ARMC8: variants seen among roughly 807,000 people sequenced by gnomAD.
The protein encoded by ARMC8 is armadillo repeat containing 8, also known as armadillo repeat-containing protein 8.
Under a neutral mutation model 99.3 loss-of-function variants are expected in ARMC8, and 20 were observed. The observed-to-expected ratio is 0.20, with a 90% CI of 0.14 to 0.29. The LOEUF (loss-of-function observed/expected upper bound fraction) is 0.29, where lower values mean the gene tolerates loss of function less well. Ranked by LOEUF, ARMC8 falls within the 10% of genes least tolerant of loss-of-function variation. The pLI, the probability that ARMC8 is intolerant of heterozygous loss-of-function variation, is 1.00. For synonymous variants in ARMC8, 263 were observed against 278.3 expected, an observed-to-expected ratio of 0.95 and a Z score of 0.55; for missense variants, 569 against 809.5, an observed-to-expected ratio of 0.70 and a Z score of 3.60.
In ARMC8 at chr3:138,223,364, C is replaced by T. The variant is rs200183090; in HGVS notation, c.195-25C>T. On this transcript the variant is annotated intron_variant, in intron 3 of 21. Coordinates refer to ENST00000469044, the MANE Select transcript of ARMC8 (RefSeq NM_001363941.2). ...TCTTGTTTAAATTTTTTAGTCTCTT[C>T]GTTTATTAAGTTCCTTCTTTTTAGA... is the stretch of plus-strand genomic sequence containing the variant. The T allele has an allele frequency of 6.7e-5, 107 of 1,608,950 alleles. 1 individual carries two copies. Among genetic ancestry groups the T allele is most frequent in the Admixed American group, 2.0e-4 (12 of 58,880 alleles).
rs1174680725 is a variant in ARMC8 at position 138,271,799 on chromosome 3, T to C, written c.1480-1168T>C. Among the ~76,000 whole-genome samples, 9 of 129,822 alleles carry C rather than the reference T, an allele frequency of 6.9e-5. No homozygotes were observed. In the East Asian group the frequency reaches 1.6e-3, roughly 23 times the overall value. 85.2% of individuals were successfully genotyped at this position (129,822 alleles called of 152,430 possible). On this transcript the variant is annotated intron_variant, in intron 16 of 21. Coordinates refer to ENST00000469044, the MANE Select transcript of ARMC8 (RefSeq NM_001363941.2). ...GTTCACAAGATTTTTTTTTTCTTTCTTTTTTTTTTTTTTTGATACAGAGTC... is the reference window on the plus strand; with the variant it reads ...GTTCACAAGATTTTTTTTTTCTTTCCTTTTTTTTTTTTTTGATACAGAGTC...
At chr3:138,287,830 A>T in intron 19 of ARMC8, 1 of 329,316 alleles carries the variant, frequency 3.0e-6, no homozygotes, top group South Asian at 2.6e-5. Flanking sequence ...ACTCTCTCAG[A>T]TGTGCATAAA....
At chr3:138,289,020 A>AT (rs539158545) in intron 19 of ARMC8, 28 bp from the exon 20 acceptor site, 715 of 1,562,528 alleles carry the variant, frequency 4.6e-4, no homozygotes, top group African/African-American at 5.7e-4. Context: ...CACCATTTTG[A>AT]TTTTTTTTTC....
rs368258885 is a variant in ARMC8, at chr3:138,193,992, C to T, written c.45+6393C>T. On this transcript the variant is annotated intron_variant, in intron 1 of 21. Coordinates refer to ENST00000469044, the MANE Select transcript of ARMC8 (RefSeq NM_001363941.2). ...TTGTAGGCTATTATAAACAGCTGGG[C>T]ACTTGTTGATTTTTAATTGTCTTCT... 4.0e-5 allele frequency among the ~76,000 whole-genome samples: 6 copies of T among 151,428 alleles called. No individual in the cohort carries two copies. In the East Asian group the frequency reaches 5.8e-4, roughly 15 times the overall value.
chr3:138,276,749 A>T (rs2108323026), intron 18 of ARMC8, among the ~76,000 whole-genome samples: 1 of 152,216 alleles, frequency 6.6e-6, no homozygotes, highest in South Asian at 2.1e-4. Flanking sequence ...AACACTGATA[A>T]TGAAAGAAAT....
intron 15 of ARMC8, among the ~76,000 whole-genome samples, chr3:138,269,452 C>G (rs1360710845): frequency 6.6e-6 from 1 of 152,104 alleles, no homozygotes; most frequent in Non-Finnish European, 1.5e-5. Context: ...TGTGGCATGA[C>G]TGTAAAAGTA....
At chr3:138,251,030 G>T (rs2047099797) in intron 12 of ARMC8, among the ~76,000 whole-genome samples, 1 of 151,872 alleles carries the variant, frequency 6.6e-6, no homozygotes, top group African/African-American at 2.4e-5. Context: ...ATGCACCTGT[G>T]GTCCCAGCTA....
intron 12 of ARMC8, among the ~76,000 whole-genome samples, chr3:138,248,931 T>C (rs1213304400): frequency 6.6e-6 from 1 of 152,214 alleles, no homozygotes; most frequent in Non-Finnish European, 1.5e-5. Flanking sequence ...AATGGAGCCT[T>C]GGGGAAAGTT....
intron 12 of ARMC8, among the ~76,000 whole-genome samples, chr3:138,257,848 T>G (rs1185436870): frequency 6.6e-6 from 1 of 152,094 alleles, no homozygotes; most frequent in East Asian, 1.9e-4. Context: ...AGACCTACTC[T>G]CTCTCCCTGA....
intron 18 of ARMC8, among the ~76,000 whole-genome samples, chr3:138,280,993 C>T (rs1313696158): frequency 3.9e-5 from 6 of 152,130 alleles, no homozygotes; most frequent in Admixed American, 3.9e-4. Flanking sequence ...TCAATTTTTG[C>T]AGGCTCTGGT....
Position 138,201,436 on chromosome 3 carries a change from C to CTTTTTTTTTTTT in ARMC8, c.46-8351_46-8340dup, listed in dbSNP as rs58707271. On this transcript the variant is annotated intron_variant, in intron 1 of 21. Coordinates refer to ENST00000469044, the MANE Select transcript of ARMC8 (RefSeq NM_001363941.2). ...TAGAGTCCTTGTCTTCTTCCCCTCC[C>CTTTTTTTTTTTT]TTTTTTTTTTTTTTTTTTTTTTTTT... Among the ~76,000 whole-genome samples the CTTTTTTTTTTTT allele has an allele frequency of 5.1e-4, 33 of 64,994 alleles. 11 individuals carry two copies. Among genetic ancestry groups the CTTTTTTTTTTTT allele is most frequent in the Non-Finnish European group, 8.2e-4 (24 of 29,394 alleles). The allele number at this position is 64,994 out of a possible 152,430, so 42.6% of individuals were successfully genotyped here.
At chr3:138,292,722 G>A (rs1399337649) in intron 21 of ARMC8, among the ~76,000 whole-genome samples, 1 of 152,186 alleles carries the variant, frequency 6.6e-6, no homozygotes, top group Non-Finnish European at 1.5e-5. Context: ...ATATCCAAGG[G>A]ACTTGGAAGA....
At chr3:138,193,412 C>T (rs1340471036) in intron 1 of ARMC8, among the ~76,000 whole-genome samples, 1 of 152,118 alleles carries the variant, frequency 6.6e-6, no homozygotes, top group African/African-American at 2.4e-5. Context: ...AGGCGTGTGC[C>T]ACCGCGCCCA....
At chr3:138,240,527 A>C (rs1224101107) in intron 10 of ARMC8, among the ~76,000 whole-genome samples, 1 of 152,210 alleles carries the variant, frequency 6.6e-6, no homozygotes, top group Non-Finnish European at 1.5e-5. Flanking sequence ...CATGAGCATT[A>C]GATTACATAA....
intron 21 of ARMC8, among the ~76,000 whole-genome samples, chr3:138,295,459 G>C (rs1363945634): frequency 2.0e-5 from 3 of 152,196 alleles, no homozygotes; most frequent in Non-Finnish European, 4.4e-5. Context: ...AGAACCCTAA[G>C]TGTTCTCCCT....
At chr3:138,215,305 C>T (rs1456273834) in intron 2 of ARMC8, among the ~76,000 whole-genome samples, 1 of 152,086 alleles carries the variant, frequency 6.6e-6, no homozygotes, top group Non-Finnish European at 1.5e-5. Flanking sequence ...CAACCTCTGC[C>T]TCCCGGGTTC....
chr3:138,229,158 A>ATATATATG (rs2045873380), intron 6 of ARMC8, 148 bp downstream of exon 6: 1 of 69,354 alleles, frequency 1.4e-5, no homozygotes, highest in African/African-American at 6.4e-5. Flanking sequence ...ATATATATAT[A>ATATATATG]TATATATATA....
Position 138,296,001 on chromosome 3 carries a change from G to A in ARMC8, c.*109G>A. 8.1e-7 allele frequency: 1 copy of A among 1,227,432 alleles called. No individual in the cohort carries two copies. Among genetic ancestry groups the A allele is most frequent in the Non-Finnish European group, 1.1e-6 (1 of 886,192 alleles). The allele number at this position is 1,227,432 out of a possible 1,614,324, so 76.0% of individuals were successfully genotyped here. A position where few individuals can be genotyped will look rare whatever the true frequency, so the allele number is the denominator to read the frequency against. On this transcript the variant is annotated 3_prime_UTR_variant, in exon 22 of 22. Coordinates refer to ENST00000469044, the MANE Select transcript of ARMC8 (RefSeq NM_001363941.2). ...TTGCACAAGTCACCTTGGACTGCAGGGAGCTGTTTTGCAAAAGCAGTTTAG... is the reference window on the plus strand; with the variant it reads ...TTGCACAAGTCACCTTGGACTGCAGAGAGCTGTTTTGCAAAAGCAGTTTAG...
intron 6 of ARMC8, among the ~76,000 whole-genome samples, chr3:138,229,608 C>T (rs909325609): frequency 2.0e-5 from 3 of 152,074 alleles, no homozygotes; most frequent in Non-Finnish European, 4.4e-5. Context: ...CACCCTTGTT[C>T]CCTATTACTG....
Sources: gnomAD v4.1 joint callset for allele counts (sites outside exome capture counted in the v4.1 genomes callset) on GRCh38, gnomAD v4.1.1 for gene constraint, MANE v1.5 for transcripts, NCBI Gene and HGNC (gene_info 2026-07-23, HGNC 2026-07-21) for gene names.